The following HS3ST5 variants were observed in gnomAD, a reference collection of about 807,000 sequenced individuals.
HS3ST5 encodes the protein heparan sulfate-glucosamine 3-sulfotransferase 5.
HS3ST5 carries 10 observed loss-of-function variants against 25.4 expected under a neutral mutation model. That is an observed-to-expected ratio of 0.39 (90% CI 0.24 to 0.67). The LOEUF (loss-of-function observed/expected upper bound fraction) is 0.67. Among genes scored for constraint, HS3ST5 ranks in the 30% least tolerant of loss-of-function variants. The pLI is 0.44. For missense variants in HS3ST5, 324 were observed against 420.7 expected (o/e 0.77, Z 2.01); for synonymous variants, 170 against 162.4 (o/e 1.05, Z -0.36).
At chr6:114,167,916 G>C (rs532724059) in intron 3 of HS3ST5, among the ~76,000 whole-genome samples, 5 of 152,202 alleles carry the variant, frequency 3.3e-5, no homozygotes, top group Non-Finnish European at 5.9e-5. Flanking sequence ...GCGTTCGAGA[G>C]TAAACAGACC....
intron 3 of HS3ST5, among the ~76,000 whole-genome samples, chr6:114,087,447 C>G (rs569369139): frequency 1.8e-4 from 28 of 152,044 alleles, no homozygotes; most frequent in Non-Finnish European, 3.7e-4. Flanking sequence ...AGCTTTTGCC[C>G]TCTGTTGTGT....
intron 3 of HS3ST5, among the ~76,000 whole-genome samples, chr6:114,102,152 A>G (rs986520846): frequency 4.6e-5 from 7 of 152,206 alleles, no homozygotes; most frequent in African/African-American, 1.7e-4. Flanking sequence ...TCTGTGACAC[A>G]CAATTTACCT....
intron 2 of HS3ST5, among the ~76,000 whole-genome samples, chr6:114,187,233 G>C (rs566229242): frequency 3.9e-5 from 6 of 152,204 alleles, no homozygotes; most frequent in Non-Finnish European, 7.3e-5. Context: ...TAAGGCTATA[G>C]CTGCCATAGA....
chr6:114,122,132 TG>T (rs1373933873), intron 3 of HS3ST5, among the ~76,000 whole-genome samples: 4 of 152,212 alleles, frequency 2.6e-5, no homozygotes, highest in Non-Finnish European at 5.9e-5. Context: ...TGGGATTGTC[TG>T]TCACTCTGCT....
intron 1 of HS3ST5, among the ~76,000 whole-genome samples, chr6:114,314,325 A>C (rs1775662826): frequency 2.0e-5 from 3 of 152,250 alleles, no homozygotes; most frequent in African/African-American, 7.2e-5. Context: ...TGGTCTAGAC[A>C]TCATACTTTA....
At chr6:114,107,550 GAA>G (rs1373477771) in intron 3 of HS3ST5, among the ~76,000 whole-genome samples, 2 of 152,178 alleles carry the variant, frequency 1.3e-5, no homozygotes, top group Non-Finnish European at 2.9e-5. Context: ...GCAAGAAAAA[GAA>G]AAGACAGATT....
At chr6:114,144,470 C>A (rs1401774850) in intron 3 of HS3ST5, among the ~76,000 whole-genome samples, 5 of 151,032 alleles carry the variant, frequency 3.3e-5, no homozygotes, top group African/African-American at 1.2e-4. Context: ...TGATAAGTTG[C>A]ATAATGGTCC....
chr6:114,133,988 C>T (rs1458188013), intron 3 of HS3ST5, among the ~76,000 whole-genome samples: 1 of 151,584 alleles, frequency 6.6e-6, no homozygotes, highest in East Asian at 1.9e-4. Context: ...GAGAGAGAGA[C>T]AGAAAGAGAG....
intron 3 of HS3ST5, among the ~76,000 whole-genome samples, chr6:114,108,066 G>A (rs1776080115): frequency 6.6e-6 from 1 of 152,126 alleles, no homozygotes; most frequent in South Asian, 2.1e-4. Context: ...GTGTGTGCGT[G>A]TGTGCATGTA....
At chr6:114,089,723 T>C (rs1331394859) in intron 3 of HS3ST5, among the ~76,000 whole-genome samples, 2 of 152,206 alleles carry the variant, frequency 1.3e-5, no homozygotes, top group Non-Finnish European at 2.9e-5. Context: ...ATTAATTGTA[T>C]TGGATAAGAG....
intron 1 of HS3ST5, among the ~76,000 whole-genome samples, chr6:114,288,817 A>G (rs1774449081): frequency 6.6e-6 from 1 of 152,124 alleles, no homozygotes; most frequent in South Asian, 2.1e-4. Flanking sequence ...AAAGTAATTC[A>G]GTCCAATAGT....
In HS3ST5 at chr6:114,342,821, C is replaced by T. The variant is rs913899676; in HGVS notation, c.-965G>A. 8.5e-5 allele frequency: 13 copies of T among 152,486 alleles called. No homozygotes were observed. The highest frequency in any genetic ancestry group is 3.1e-4 in the African/African-American group (13 of 41,578). The allele number at this position is 152,486 out of a possible 1,614,324, so 9.4% of individuals were successfully genotyped here. On this transcript the variant is annotated 5_prime_UTR_variant, in exon 1 of 5. Transcript: ENST00000312719. ...CTTCCCTTCCTGCGTCCTCGAGCCTCCGGTGCCAAGCTGTGCGGGCGCCCC... is the reference window on the plus strand; with the variant it reads ...CTTCCCTTCCTGCGTCCTCGAGCCTTCGGTGCCAAGCTGTGCGGGCGCCCC...
chr6:114,297,938 T>C (rs896216017), intron 1 of HS3ST5, among the ~76,000 whole-genome samples: 3 of 152,236 alleles, frequency 2.0e-5, no homozygotes, highest in African/African-American at 4.8e-5. Context: ...TTCTTTTTCC[T>C]ATAAATGGAA....
intron 2 of HS3ST5, among the ~76,000 whole-genome samples, chr6:114,189,634 A>G (rs559393746): frequency 6.6e-6 from 1 of 152,092 alleles, no homozygotes; most frequent in South Asian, 2.1e-4. Flanking sequence ...CTCTATTATA[A>G]TTTTAATTTC....
At chr6:114,300,282 T>TATA (rs1462129874) in intron 1 of HS3ST5, among the ~76,000 whole-genome samples, 1 of 152,072 alleles carries the variant, frequency 6.6e-6, no homozygotes, top group African/African-American at 2.4e-5. Flanking sequence ...GTTTTGTATA[T>TATA]ATAACATATA....
At chr6:114,099,186 A>C (rs1047836608) in intron 3 of HS3ST5, among the ~76,000 whole-genome samples, 1 of 152,156 alleles carries the variant, frequency 6.6e-6, no homozygotes, top group South Asian at 2.1e-4. Flanking sequence ...GTCAGCCATA[A>C]GCCTTAGCTT....
chr6:114,199,815 C>CA (rs1780928367), intron 2 of HS3ST5, among the ~76,000 whole-genome samples: 1 of 152,098 alleles, frequency 6.6e-6, no homozygotes, highest in Admixed American at 6.6e-5. Flanking sequence ...TTTTGAAATG[C>CA]AAACACCAAA....
At chr6:114,258,053 C>G (rs879637611) in intron 1 of HS3ST5, among the ~76,000 whole-genome samples, 7 of 152,086 alleles carry the variant, frequency 4.6e-5, no homozygotes, top group African/African-American at 1.4e-4. Flanking sequence ...CCCACCATGC[C>G]CAGCTTGTTT....
intron 1 of HS3ST5, among the ~76,000 whole-genome samples, chr6:114,265,017 C>T (rs569993436): frequency 1.3e-5 from 2 of 152,136 alleles, no homozygotes; most frequent in South Asian, 4.2e-4. Context: ...GTAGCTGGGA[C>T]TACAGGTGCA....
Sources: gnomAD v4.1 joint callset for allele counts (sites outside exome capture counted in the v4.1 genomes callset) on GRCh38, gnomAD v4.1.1 for gene constraint, MANE v1.5 for transcripts, NCBI Gene and HGNC (gene_info 2026-07-23, HGNC 2026-07-21) for gene names.